Variants in TMPRSS11D observed in about 807,000 individuals in gnomAD.
TMPRSS11D encodes transmembrane serine protease 11D.
TMPRSS11D carries 32 observed loss-of-function variants against 44.4 expected under a neutral mutation model. The ratio of observed to expected loss-of-function variants is 0.72; its 90% CI spans 0.54 to 0.97. The LOEUF (loss-of-function observed/expected upper bound fraction) is 0.97. TMPRSS11D is among the 50% of genes least tolerant of loss of function. TMPRSS11D has a pLI of 0.00. For missense variants in TMPRSS11D, 446 were observed against 502.6 expected, an observed-to-expected ratio of 0.89 and a Z score of 1.08; for synonymous variants, 179 against 177.9, an observed-to-expected ratio of 1.01 and a Z score of -0.05.
At chr4:67,844,362 T>G (rs7697526) in intron 3 of TMPRSS11D, among the ~76,000 whole-genome samples, 108,268 of 151,946 alleles carry the variant, frequency 0.71, 40,954 homozygotes, top group Middle Eastern at 0.84. Flanking sequence ...ATAATTTTCT[T>G]TTTTTTTTCC....
chr4:67,835,662 G>T (rs183679176), intron 5 of TMPRSS11D, among the ~76,000 whole-genome samples: 140 of 152,046 alleles, frequency 9.2e-4, no homozygotes, highest in African/African-American at 3.3e-3. Context: ...GTAGAGAAAA[G>T]AAAAAAGAGA....
chr4:67,834,140 G>T (rs548849935), intron 6 of TMPRSS11D, among the ~76,000 whole-genome samples: 3 of 152,018 alleles, frequency 2.0e-5, no homozygotes, highest in Admixed American at 1.3e-4. Flanking sequence ...CTCTCAACTC[G>T]CATTCCCATA....
intron 8 of TMPRSS11D, among the ~76,000 whole-genome samples, chr4:67,826,773 A>AG (rs1717803825): frequency 6.6e-6 from 1 of 151,450 alleles, no homozygotes; most frequent in African/African-American, 2.4e-5. Context: ...AAAAAAAAAA[A>AG]AAGCTGGGTA....
rs375616124 is a variant in TMPRSS11D, at chr4:67,883,974, A to G, written c.-41T>C. 4.7e-5 allele frequency: 74 copies of G among 1,590,968 alleles called. No individual in the cohort carries two copies. Among genetic ancestry groups the G allele is most frequent in the Non-Finnish European group, 5.9e-5 (69 of 1,168,048 alleles). ...AGAGGTTCTTTTTTCTGCCTACTCA[A>G]CTGCTTTGAGATTCCCACTCAAATG... On this transcript the variant is annotated 5_prime_UTR_variant, in exon 1 of 10. Transcript: ENST00000283916.
At chr4:67,868,318 A>G (rs1718973712) in intron 1 of TMPRSS11D, among the ~76,000 whole-genome samples, 1 of 152,172 alleles carries the variant, frequency 6.6e-6, no homozygotes, top group Non-Finnish European at 1.5e-5. Flanking sequence ...GGAAAGAAGG[A>G]TGAGAAATTA....
At chr4:67,840,072 T>C (rs913933888) in intron 4 of TMPRSS11D, among the ~76,000 whole-genome samples, 3 of 150,376 alleles carry the variant, frequency 2.0e-5, no homozygotes, top group Admixed American at 1.3e-4. Context: ...GAGGTAGATA[T>C]GTTAAGTCTA....
At chr4:67,870,339 T>C (rs1719026028) in intron 1 of TMPRSS11D, among the ~76,000 whole-genome samples, 1 of 152,318 alleles carries the variant, frequency 6.6e-6, no homozygotes, top group African/African-American at 2.4e-5. Context: ...CCAGACATCC[T>C]GGCCTCTCTG....
intron 6 of TMPRSS11D, among the ~76,000 whole-genome samples, chr4:67,834,675 G>A (rs1560538636): frequency 1.3e-5 from 2 of 152,198 alleles, no homozygotes; most frequent in East Asian, 3.9e-4. Context: ...TATACTTTGT[G>A]ATTAACCTGA....
intron 2 of TMPRSS11D, among the ~76,000 whole-genome samples, chr4:67,858,958 C>G: frequency 6.6e-6 from 1 of 152,028 alleles, no homozygotes; most frequent in East Asian, 1.9e-4. Context: ...AAAAATTAAA[C>G]AAAACAAAAG....
chr4:67,823,231 A>G (rs1717696689), intron 9 of TMPRSS11D, among the ~76,000 whole-genome samples: 1 of 152,158 alleles, frequency 6.6e-6, no homozygotes, highest in Non-Finnish European at 1.5e-5. Context: ...ATATCATCAG[A>G]AAGTCTTCTT....
chr4:67,838,337 T>A lies in TMPRSS11D; in HGVS notation c.318-8A>T. On this transcript the variant is annotated splice_polypyrimidine_tract_variant and splice_region_variant and intron_variant, in intron 4 of 9. Transcript: ENST00000283916. ...ACACCACTACCATCTTGCCTGTAAA[T>A]CATAAAGATATTTTAAAAAACAAAT... The A allele has an allele frequency of 6.5e-7, 1 of 1,533,680 alleles. No homozygotes were observed. The highest frequency in any genetic ancestry group is 2.4e-5 in the East Asian group (1 of 42,240).
intron 3 of TMPRSS11D, among the ~76,000 whole-genome samples, chr4:67,843,635 A>C (rs1051609215): frequency 6.6e-6 from 1 of 152,134 alleles, no homozygotes; most frequent in Admixed American, 6.5e-5. Flanking sequence ...CTCAGTTAAT[A>C]ATTTATGGCC....
intron 1 of TMPRSS11D, among the ~76,000 whole-genome samples, chr4:67,861,232 T>A (rs1344590616): frequency 6.6e-6 from 1 of 152,180 alleles, no homozygotes; most frequent in Non-Finnish European, 1.5e-5. Context: ...GAGAGTCCAG[T>A]GTTCAACAAC....
chr4:67,850,472 G>C (rs1281204683), intron 3 of TMPRSS11D, among the ~76,000 whole-genome samples: 2 of 151,942 alleles, frequency 1.3e-5, no homozygotes, highest in African/African-American at 4.8e-5. Context: ...TCCCGAGTTA[G>C]GAAGAGATAA....
intron 1 of TMPRSS11D, among the ~76,000 whole-genome samples, chr4:67,880,765 A>C (rs548455547): frequency 6.6e-6 from 1 of 152,060 alleles, no homozygotes; most frequent in East Asian, 1.9e-4. Context: ...CAGGGAATAC[A>C]GGGAATACTT....
At chr4:67,841,961 G>A (rs768734765) in intron 4 of TMPRSS11D, among the ~76,000 whole-genome samples, 12 of 152,094 alleles carry the variant, frequency 7.9e-5, no homozygotes, top group South Asian at 2.1e-4. Context: ...AGACATTTGC[G>A]GGAGAGTCAG....
At chr4:67,829,343 T>A (rs192330263) in intron 7 of TMPRSS11D, among the ~76,000 whole-genome samples, 1 of 151,902 alleles carries the variant, frequency 6.6e-6, no homozygotes, top group African/African-American at 2.4e-5. Context: ...AATTTTATTT[T>A]CCATAAACTT....
intron 7 of TMPRSS11D, among the ~76,000 whole-genome samples, chr4:67,828,638 C>A (rs927695124): frequency 7.2e-5 from 11 of 152,064 alleles, no homozygotes; most frequent in Non-Finnish European, 1.2e-4. Flanking sequence ...TCAGCTGCAC[C>A]CAAGGTCAGA....
intron 4 of TMPRSS11D, chr4:67,839,047 C>T (rs921026450): frequency 4.6e-5 from 7 of 152,094 alleles, no homozygotes; most frequent in Non-Finnish European, 8.8e-5. Flanking sequence ...CTGACATTGG[C>T]TGTCTTCTTT....
Sources: gnomAD v4.1 joint callset for allele counts (sites outside exome capture counted in the v4.1 genomes callset) on GRCh38, gnomAD v4.1.1 for gene constraint, MANE v1.5 for transcripts, NCBI Gene and HGNC (gene_info 2026-07-23, HGNC 2026-07-21) for gene names.